Variants in CHN2 observed in about 807,000 individuals in gnomAD.
The protein encoded by CHN2 is chimerin 2.
Under a neutral mutation model 56.3 loss-of-function variants are expected in CHN2, and 35 were observed. The ratio of observed to expected loss-of-function variants is 0.62; its 90% CI spans 0.47 to 0.82. The LOEUF (loss-of-function observed/expected upper bound fraction) is 0.82. Ranked by LOEUF, CHN2 falls within the 40% of genes least tolerant of loss-of-function variation. The pLI is 0.00. For synonymous variants in CHN2, 210 were observed against 212.8 expected (o/e 0.99, Z 0.12); for missense variants, 491 against 580.5 (o/e 0.85, Z 1.58).
intron 1 of CHN2, among the ~76,000 whole-genome samples, chr7:29,348,624 T>C (rs1050044701): frequency 6.6e-6 from 1 of 152,206 alleles, no homozygotes; most frequent in Admixed American, 6.5e-5. Context: ...CAGAAATAAC[T>C]GTCTTTTGTC....
At chr7:29,439,087 T>TCTG (rs1469721090) in intron 6 of CHN2, among the ~76,000 whole-genome samples, 1 of 152,182 alleles carries the variant, frequency 6.6e-6, no homozygotes, top group Non-Finnish European at 1.5e-5. Context: ...TTCTTGAGAG[T>TCTG]CTGCTGTATA....
upstream of CHN2, among the ~76,000 whole-genome samples, chr7:29,190,936 C>CA (rs1554357101): frequency 6.9e-6 from 1 of 144,918 alleles, no homozygotes; most frequent in African/African-American, 2.5e-5. Flanking sequence ...CCCCACCATG[C>CA]TTTTTTTTTT....
At chr7:29,273,388 T>TATACAC (rs1384075086) in intron 1 of CHN2, among the ~76,000 whole-genome samples, 3 of 41,904 alleles carry the variant, frequency 7.2e-5, no homozygotes, top group Admixed American at 3.7e-4. Flanking sequence ...TATATATATA[T>TATACAC]ACACACACCA....
chr7:29,196,762 G>A (rs557402255), intron 1 of CHN2, among the ~76,000 whole-genome samples: 42 of 152,286 alleles, frequency 2.8e-4, no homozygotes, highest in Non-Finnish European at 5.3e-4. Context: ...GTCAGCCTTC[G>A]GAAGAATACG....
At chr7:29,364,444 G>A (rs1798985702) in intron 2 of CHN2, among the ~76,000 whole-genome samples, 1 of 152,202 alleles carries the variant, frequency 6.6e-6, no homozygotes. Context: ...GCTTCAAGAG[G>A]CATTGACAAT....
chr7:29,394,753 A>T (rs574815551), intron 4 of CHN2, among the ~76,000 whole-genome samples: 52 of 152,286 alleles, frequency 3.4e-4, no homozygotes, highest in Admixed American at 4.6e-4. Context: ...CAATTAATTT[A>T]AAAAAATAGA....
chr7:29,460,761 G>A (rs1785106292), intron 6 of CHN2, among the ~76,000 whole-genome samples: 1 of 152,210 alleles, frequency 6.6e-6, no homozygotes, highest in African/African-American at 2.4e-5. Context: ...CTAGTGGAGG[G>A]AACAGAGCCC....
At chr7:29,386,591 A>G (rs997221985) in intron 3 of CHN2, among the ~76,000 whole-genome samples, 7 of 147,594 alleles carry the variant, frequency 4.7e-5, no homozygotes, top group African/African-American at 1.9e-4. Context: ...AGGCAATGAT[A>G]ATCTGACTAT....
At chr7:29,190,874 T>A (rs1275909120), upstream of CHN2, among the ~76,000 whole-genome samples, 2 of 151,766 alleles carry the variant, frequency 1.3e-5, no homozygotes, top group Non-Finnish European at 2.9e-5. Context: ...GAGCACCTAT[T>A]GTATGCAAAG....
In CHN2 at chr7:29,512,546, T is replaced by C. The variant is rs373307472; in HGVS notation, c.1236-18T>C. The C allele has an allele frequency of 1.6e-5, 25 of 1,604,786 alleles. No individual in the cohort carries two copies. The highest frequency in any genetic ancestry group is 2.0e-5 in the Non-Finnish European group (24 of 1,174,800). On this transcript the variant is annotated intron_variant, in intron 12 of 12. Coordinates refer to ENST00000222792, the MANE Select transcript of CHN2 (RefSeq NM_004067.4). ...TCAAGTCTCCATAATGTCTCTGTTC[T>C]ATATGTTTGTTTTGCAGGGTTACTA...
At chr7:29,445,278 C>T (rs1783952774) in intron 6 of CHN2, 3 of 394,938 alleles carry the variant, frequency 7.6e-6, no homozygotes, top group South Asian at 5.6e-5. Context: ...AACAAATACC[C>T]CAAACAGGCC....
At chr7:29,401,073 C>T (rs771967696) in intron 6 of CHN2, 13 of 483,644 alleles carry the variant, frequency 2.7e-5, no homozygotes, top group Non-Finnish European at 4.5e-5. Context: ...TAGAGACCAT[C>T]CTGGCTAACA....
chr7:29,390,399 G>A (rs751220210), intron 3 of CHN2, among the ~76,000 whole-genome samples: 7 of 152,202 alleles, frequency 4.6e-5, no homozygotes, highest in Non-Finnish European at 1.0e-4. Flanking sequence ...GGTTCACCAG[G>A]TGATGGATTG....
intron 3 of CHN2, among the ~76,000 whole-genome samples, chr7:29,386,626 G>T (rs891141861): frequency 6.6e-6 from 1 of 152,158 alleles, no homozygotes; most frequent in African/African-American, 2.4e-5. Flanking sequence ...TAAGGATTAT[G>T]CTTTCTGTCT....
chr7:29,371,662 T>C (rs1486094396), intron 3 of CHN2, among the ~76,000 whole-genome samples: 1 of 152,080 alleles, frequency 6.6e-6, no homozygotes, highest in Non-Finnish European at 1.5e-5. Flanking sequence ...TATCCACCTG[T>C]CCACTGGACC....
intron 1 of CHN2, among the ~76,000 whole-genome samples, chr7:29,277,613 T>G (rs967365666): frequency 1.3e-5 from 2 of 152,220 alleles, no homozygotes; most frequent in Non-Finnish European, 1.5e-5. Flanking sequence ...GGGCAGAGTT[T>G]AGCAGTGGAG....
intron 1 of CHN2, chr7:29,213,104 C>T (rs1287682080): frequency 6.3e-7 from 1 of 1,599,896 alleles, no homozygotes; most frequent in East Asian, 2.2e-5. Context: ...GCCTTGGAAG[C>T]TGCAGGGGAA....
chr7:29,218,842 T>G (rs868040753), intron 1 of CHN2, among the ~76,000 whole-genome samples: 1 of 149,318 alleles, frequency 6.7e-6, no homozygotes, highest in Admixed American at 6.7e-5. Context: ...TTAGGAGATA[T>G]ACCTAATGCT....
chr7:29,399,671 C>A (rs949316273), intron 5 of CHN2, among the ~76,000 whole-genome samples: 1 of 152,158 alleles, frequency 6.6e-6, no homozygotes, highest in Admixed American at 6.5e-5. Flanking sequence ...CATGGAAGCC[C>A]TTCCCAGGCC....
Sources: allele counts gnomAD v4.1 joint callset (sites outside exome capture counted in the v4.1 genomes callset), GRCh38; gene constraint gnomAD v4.1.1; transcripts MANE v1.5; gene names NCBI Gene and HGNC (gene_info 2026-07-23, HGNC 2026-07-21).